Variants in SRGAP3 observed in about 807,000 individuals in gnomAD.
SRGAP3 encodes SLIT-ROBO Rho GTPase-activating protein 3.
A neutral mutation model predicts 121.1 loss-of-function variants in SRGAP3; 39 were observed. That is an observed-to-expected ratio of 0.32 (90% CI 0.25 to 0.42). SRGAP3 has a LOEUF of 0.42. Ranked by LOEUF, SRGAP3 falls within the 10% of genes least tolerant of loss-of-function variation. SRGAP3 has a pLI of 1.00. For missense variants in SRGAP3, 1,213 were observed against 1,470.6 expected, an observed-to-expected ratio of 0.82 and a Z score of 2.86; for synonymous variants, 601 against 570.0, an observed-to-expected ratio of 1.05 and a Z score of -0.77.
At chr3:9,227,554 T>C (rs1471291301) in intron 1 of SRGAP3, among the ~76,000 whole-genome samples, 1 of 152,236 alleles carries the variant, frequency 6.6e-6, no homozygotes, top group Non-Finnish European at 1.5e-5. Context: ...AATGTTGGGA[T>C]TCAGTCCTAG....
At chr3:8,991,423 G>A (rs780258061) in intron 20 of SRGAP3, among the ~76,000 whole-genome samples, 3 of 152,170 alleles carry the variant, frequency 2.0e-5, no homozygotes, top group Non-Finnish European at 4.4e-5. Context: ...AGTAAACACT[G>A]CATGGCTGGA....
chr3:9,231,042 G>T (rs947733795), intron 1 of SRGAP3, among the ~76,000 whole-genome samples: 5 of 152,114 alleles, frequency 3.3e-5, no homozygotes, highest in African/African-American at 1.2e-4. Context: ...GGGTCTTGGA[G>T]GTACCACAGC....
intron 2 of SRGAP3, among the ~76,000 whole-genome samples, chr3:9,120,940 A>G (rs186945653): frequency 2.6e-5 from 4 of 152,284 alleles, no homozygotes; most frequent in East Asian, 3.9e-4. Context: ...ACATTCTTCA[A>G]TTGCCCAGGT....
upstream of SRGAP3, among the ~76,000 whole-genome samples, chr3:9,254,566 G>A (rs1954085438): frequency 6.6e-6 from 1 of 152,148 alleles, no homozygotes; most frequent in South Asian, 2.1e-4. Flanking sequence ...GGCAAAGGCA[G>A]GAGGATCGCT....
Position 9,109,694 on chromosome 3 carries a change from G to A in SRGAP3, c.261-4852C>T, listed in dbSNP as rs1948546352. On this transcript the variant is annotated intron_variant, in intron 2 of 21. Coordinates refer to ENST00000383836, the MANE Select transcript of SRGAP3 (RefSeq NM_014850.4). The surrounding 1 kb of genome is among the most constrained non-coding windows in gnomAD (Gnocchi z 4.4). Reference sequence around the variant, plus strand: ...GTGCAGTCATGGGAAGGAGGCTATGGAGCAGAGAGGAGCCTCCTTCCCCAG... The same window carrying A: ...GTGCAGTCATGGGAAGGAGGCTATGAAGCAGAGAGGAGCCTCCTTCCCCAG... Among the ~76,000 whole-genome samples, 1 of 152,182 alleles carries A rather than the reference G, an allele frequency of 6.6e-6. No individual in the cohort carries two copies. Among genetic ancestry groups the A allele is most frequent in the Admixed American group, 6.5e-5 (1 of 15,284 alleles).
chr3:9,166,788 TC>T (rs1481881974), intron 1 of SRGAP3, among the ~76,000 whole-genome samples: 1 of 152,168 alleles, frequency 6.6e-6, no homozygotes, highest in Non-Finnish European at 1.5e-5. Context: ...ACTCTTGCAG[TC>T]ATCCAGGGCC....
chr3:9,118,530 G>A (rs1262134099), intron 2 of SRGAP3, among the ~76,000 whole-genome samples: 2 of 152,190 alleles, frequency 1.3e-5, no homozygotes, highest in African/African-American at 4.8e-5. Context: ...CTTGGAGAGG[G>A]CAGTGGATTA....
intron 1 of SRGAP3, among the ~76,000 whole-genome samples, chr3:9,171,818 C>T (rs1031340659): frequency 4.3e-4 from 66 of 152,154 alleles, no homozygotes; most frequent in African/African-American, 1.5e-3. Flanking sequence ...GTGACTTAAG[C>T]AGCCGAAATG....
intron 1 of SRGAP3, among the ~76,000 whole-genome samples, chr3:9,345,993 T>C (rs1224189873): frequency 6.6e-6 from 1 of 152,124 alleles, no homozygotes; most frequent in Non-Finnish European, 1.5e-5. Flanking sequence ...AGGACTTTCA[T>C]TTTTACATAT....
intron 1 of SRGAP3, among the ~76,000 whole-genome samples, chr3:9,146,137 G>C (rs1950016412): frequency 6.6e-6 from 1 of 152,166 alleles, no homozygotes; most frequent in Non-Finnish European, 1.5e-5. Flanking sequence ...CTACAATTAG[G>C]GACAGGGAGA....
Position 9,132,375 on chromosome 3 carries a change from C to T in SRGAP3, c.68-7458G>A, listed in dbSNP as rs59470375. Among the ~76,000 whole-genome samples, 1,137 of 152,230 alleles carry T rather than the reference C, an allele frequency of 7.5e-3. 16 individuals are homozygous for T. Among genetic ancestry groups the T allele is most frequent in the African/African-American group, 0.026 (1,079 of 41,524 alleles). The stretch of plus-strand genomic sequence containing the variant: ...GTATCATACAGAATAGTGTTGCCAC[C>T]CTAAAAATCCTCGTGCTCCACCTAT... On this transcript the variant is annotated intron_variant, in intron 1 of 21. Transcript: ENST00000383836.
rs184498410 is a variant in SRGAP3 at position 9,267,688 on chromosome 3, T to C, written n.442+58322A>G. Among the ~76,000 whole-genome samples the C allele has an allele frequency of 6.4e-3, 974 of 152,308 alleles. 10 individuals are homozygous for C. The highest frequency in any genetic ancestry group is 0.011 in the Non-Finnish European group (777 of 68,008). On this transcript the variant is annotated intron_variant and non_coding_transcript_variant, in intron 3 of 3. Coordinates refer to the SRGAP3 transcript ENST00000490889. ...CACGTAGTCTCAGATGTATTTTCTCTGGTACTTAGAAATTGTCCTTCACCT... is the reference window on the plus strand; with the variant it reads ...CACGTAGTCTCAGATGTATTTTCTCCGGTACTTAGAAATTGTCCTTCACCT...
At chr3:9,093,305 G>A (rs1947830971) in intron 3 of SRGAP3, among the ~76,000 whole-genome samples, 1 of 152,064 alleles carries the variant, frequency 6.6e-6, no homozygotes, top group Non-Finnish European at 1.5e-5. Flanking sequence ...ATGTAAATGA[G>A]GTTTGCATTG....
At chr3:9,224,194 C>T (rs2125205689) in intron 1 of SRGAP3, among the ~76,000 whole-genome samples, 1 of 152,298 alleles carries the variant, frequency 6.6e-6, no homozygotes, top group East Asian at 1.9e-4. Context: ...GTTAATAGAA[C>T]AACTCATTTA....
In SRGAP3 at chr3:8,984,302, C is replaced by T. The variant is rs1046151879; in HGVS notation, c.*1217G>A. On this transcript the variant is annotated 3_prime_UTR_variant, in exon 22 of 22. Transcript: ENST00000383836. ...GGCCCCAGTCTGAACTGGGCGCTCACGGCTCATGCGTTTCATGCAAGACGG... is the reference window on the plus strand; with the variant it reads ...GGCCCCAGTCTGAACTGGGCGCTCATGGCTCATGCGTTTCATGCAAGACGG... The T allele has an allele frequency of 1.3e-5, 3 of 229,902 alleles. No homozygotes were observed. Among genetic ancestry groups the T allele is most frequent in the African/African-American group, 2.2e-5 (1 of 45,160 alleles). 14.2% of individuals were successfully genotyped at this position (229,902 alleles called of 1,614,324 possible). A position where few individuals can be genotyped will look rare whatever the true frequency, so the allele number is the denominator to read the frequency against.
chr3:8,998,142 G>C lies in SRGAP3; in HGVS notation c.2228-3619C>G, dbSNP rs559460099. On this transcript the variant is annotated intron_variant, in intron 18 of 21. Coordinates refer to ENST00000383836, the MANE Select transcript of SRGAP3 (RefSeq NM_014850.4). The stretch of plus-strand genomic sequence containing the variant: ...GGACTCGAGTGATCCTCCTGCCTTG[G>C]CCTCCCAAAGTGCTGGGATTACAGG... Among the ~76,000 whole-genome samples the C allele has an allele frequency of 1.3e-4, 20 of 152,288 alleles. No individual in the cohort carries two copies. The South Asian group carries it at 4.1e-3, about 32-fold the overall frequency.
intron 2 of SRGAP3, among the ~76,000 whole-genome samples, chr3:9,119,705 C>T (rs1280162982): frequency 2.0e-5 from 3 of 152,226 alleles, no homozygotes; most frequent in African/African-American, 7.2e-5. Context: ...AAGAGGACTG[C>T]AGCTGCTGTC....
At chr3:9,352,174 A>C (rs2030205847) in intron 1 of SRGAP3, among the ~76,000 whole-genome samples, 1 of 151,570 alleles carries the variant, frequency 6.6e-6, no homozygotes, top group Non-Finnish European at 1.5e-5. Flanking sequence ...CTTAGAGCCC[A>C]CTTCTGTTTT....
chr3:9,030,032 G>A (rs1340212518), intron 12 of SRGAP3, among the ~76,000 whole-genome samples: 1 of 151,950 alleles, frequency 6.6e-6, no homozygotes, highest in Non-Finnish European at 1.5e-5. Context: ...CATGCGTATA[G>A]CCCCAGCTAC....
Sources: allele counts gnomAD v4.1 joint callset (sites outside exome capture counted in the v4.1 genomes callset), GRCh38; gene constraint gnomAD v4.1.1; non-coding constraint Gnocchi (gnomAD v3.1); transcripts MANE v1.5; gene names NCBI Gene and HGNC (gene_info 2026-07-23, HGNC 2026-07-21).